Variants in CTIF observed in about 807,000 individuals in gnomAD.
CTIF encodes CBP80/20-dependent translation initiation factor.
CTIF carries 21 observed loss-of-function variants against 66.0 expected under a neutral mutation model. That is an observed-to-expected ratio of 0.32 (90% CI 0.23 to 0.46). CTIF has a LOEUF of 0.46. Ranked by LOEUF, CTIF falls within the 20% of genes least tolerant of loss-of-function variation. The pLI is 1.00. For missense variants in CTIF, 739 were observed against 812.7 expected, an observed-to-expected ratio of 0.91 and a Z score of 1.10; for synonymous variants, 345 against 326.4, an observed-to-expected ratio of 1.06 and a Z score of -0.62.
intron 9 of CTIF, among the ~76,000 whole-genome samples, chr18:48,799,653 C>G (rs1339402322): frequency 6.6e-6 from 1 of 152,122 alleles, no homozygotes; most frequent in Non-Finnish European, 1.5e-5. Context: ...TGGCCAAGCT[C>G]AGATCTAGCC....
At chr18:48,612,644 G>T (rs1316635402) in intron 1 of CTIF, among the ~76,000 whole-genome samples, 1 of 152,234 alleles carries the variant, frequency 6.6e-6, no homozygotes, top group Non-Finnish European at 1.5e-5. Context: ...TTAGCAGCAG[G>T]AGAGCAGGGA....
intron 10 of CTIF, among the ~76,000 whole-genome samples, chr18:48,855,505 C>T (rs1323757769): frequency 6.6e-6 from 1 of 152,208 alleles, no homozygotes; most frequent in Non-Finnish European, 1.5e-5. Flanking sequence ...TTAACTGTGG[C>T]CTGACCTGGA....
chr18:48,824,061 AATC>A (rs2068536409), intron 10 of CTIF, among the ~76,000 whole-genome samples: 1 of 152,056 alleles, frequency 6.6e-6, no homozygotes, highest in East Asian at 1.9e-4. Flanking sequence ...CAAAAAACAT[AATC>A]AACATACAAA....
At chr18:48,849,180 C>T (rs2069143454) in intron 10 of CTIF, among the ~76,000 whole-genome samples, 1 of 149,646 alleles carries the variant, frequency 6.7e-6, no homozygotes, top group South Asian at 2.1e-4. Context: ...GGTGCCTGCT[C>T]CTACCAATGC....
chr18:48,739,363 C>T (rs756989234), intron 7 of CTIF, among the ~76,000 whole-genome samples: 6 of 152,246 alleles, frequency 3.9e-5, no homozygotes, highest in East Asian at 1.9e-4. Context: ...TGGCCCATGA[C>T]GCCTTTGTGA....
chr18:48,669,162 C>T (rs1165711079), intron 5 of CTIF, among the ~76,000 whole-genome samples: 1 of 152,020 alleles, frequency 6.6e-6, no homozygotes, highest in Non-Finnish European at 1.5e-5. Context: ...TAAGGGCCAT[C>T]CACTGTCTGA....
chr18:48,767,528 G>A (rs886096226), intron 9 of CTIF, among the ~76,000 whole-genome samples: 1 of 152,062 alleles, frequency 6.6e-6, no homozygotes, highest in Non-Finnish European at 1.5e-5. Context: ...TATTAGAGCC[G>A]GCATCAGTGT....
intron 9 of CTIF, among the ~76,000 whole-genome samples, chr18:48,798,805 G>A (rs140536010): frequency 3.5e-4 from 53 of 152,302 alleles, no homozygotes; most frequent in Non-Finnish European, 6.6e-4. Flanking sequence ...GCAGACACTT[G>A]GCAACGTCTG....
At chr18:48,767,851 C>T (rs78682172) in intron 9 of CTIF, among the ~76,000 whole-genome samples, 5,118 of 152,248 alleles carry the variant, frequency 0.034, 97 homozygotes, top group Non-Finnish European at 0.042. Context: ...CATACATAGA[C>T]GCTCAGTTGA....
chr18:48,791,566 G>A (rs2067794085), intron 9 of CTIF, among the ~76,000 whole-genome samples: 1 of 152,082 alleles, frequency 6.6e-6, no homozygotes, highest in African/African-American at 2.4e-5. Context: ...CCCTTAGTGG[G>A]AGCTACCAGT....
At chr18:48,615,291 C>T (rs1460165845) in intron 1 of CTIF, among the ~76,000 whole-genome samples, 8 of 152,156 alleles carry the variant, frequency 5.3e-5, no homozygotes, top group African/African-American at 1.4e-4. Context: ...TGGAGGTGGA[C>T]GGGCAGAGGA....
chr18:48,620,192 T>G (rs899139868), intron 2 of CTIF, among the ~76,000 whole-genome samples: 18 of 152,202 alleles, frequency 1.2e-4, no homozygotes, highest in Admixed American at 4.6e-4. Context: ...AAGGAATGAT[T>G]GTTAGTAGCC....
chr18:48,702,837 C>T (rs1292116382), intron 6 of CTIF, among the ~76,000 whole-genome samples: 1 of 151,898 alleles, frequency 6.6e-6, no homozygotes, highest in African/African-American at 2.4e-5. Context: ...GAAACATTAC[C>T]TATTTATTTC....
intron 1 of CTIF, among the ~76,000 whole-genome samples, chr18:48,590,212 C>T (rs1351521995): frequency 2.0e-5 from 3 of 152,234 alleles, no homozygotes; most frequent in Non-Finnish European, 4.4e-5. Context: ...CATATTTAGT[C>T]TGGAATCCAG....
intron 5 of CTIF, among the ~76,000 whole-genome samples, chr18:48,668,839 C>T (rs1187461700): frequency 6.6e-6 from 1 of 152,134 alleles, no homozygotes; most frequent in African/African-American, 2.4e-5. Context: ...GCACTTGCTG[C>T]TCTACTGTGG....
intron 1 of CTIF, among the ~76,000 whole-genome samples, chr18:48,616,518 C>T (rs1259514624): frequency 6.6e-6 from 1 of 152,212 alleles, no homozygotes; most frequent in Non-Finnish European, 1.5e-5. Flanking sequence ...GGGGTATAGG[C>T]ATAGTCGTGC....
Position 48,767,616 on chromosome 18 carries a change from GA to G in CTIF, c.1371+5937del, listed in dbSNP as rs959558103. ...ACAGAAGGATGCGATACCTTTTTTT[GA>G]AAAAAAAAAGTTTGTCTCAACCAAG... On this transcript the variant is annotated intron_variant, in intron 9 of 11. Coordinates refer to ENST00000256413, the MANE Select transcript of CTIF (RefSeq NM_014772.3). Among the ~76,000 whole-genome samples, 12 of 148,454 alleles carry G rather than the reference GA, an allele frequency of 8.1e-5. No individual in the cohort carries two copies. In the South Asian group the frequency reaches 8.5e-4, roughly 11 times the overall value.
At chr18:48,559,806 G>A (rs2089110841) in intron 1 of CTIF, among the ~76,000 whole-genome samples, 1 of 152,128 alleles carries the variant, frequency 6.6e-6, no homozygotes, top group Admixed American at 6.5e-5. Flanking sequence ...TGAAAGGTGG[G>A]AAGGTGAGAG....
At chr18:48,565,738 G>A (rs1474013019) in intron 1 of CTIF, 1 of 152,246 alleles carries the variant, frequency 6.6e-6, no homozygotes, top group Non-Finnish European at 1.5e-5. Context: ...CTCTCAGGAG[G>A]GTAGTGCCCC....
Sources: gnomAD v4.1 joint callset for allele counts (sites outside exome capture counted in the v4.1 genomes callset) on GRCh38, gnomAD v4.1.1 for gene constraint, MANE v1.5 for transcripts, NCBI Gene and HGNC (gene_info 2026-07-23, HGNC 2026-07-21) for gene names.